TRPS1: variants seen among roughly 807,000 people sequenced by gnomAD.
TRPS1 encodes transcriptional repressor GATA binding 1, also known as zinc finger transcription factor Trps1.
In TRPS1, 6 loss-of-function variants were observed where a neutral mutation model predicts 101.2. The observed-to-expected ratio is 0.06, with a 90% CI of 0.03 to 0.12. TRPS1 has a LOEUF of 0.12. Ranked by LOEUF, TRPS1 falls within the 10% of genes least tolerant of loss-of-function variation. The pLI is 1.00. For missense variants in TRPS1, 1,363 were observed against 1,567.0 expected (o/e 0.87, Z 2.20); for synonymous variants, 578 against 589.8 (o/e 0.98, Z 0.29).
intron 5 of TRPS1, among the ~76,000 whole-genome samples, chr8:115,458,603 A>G (rs573163978): frequency 2.6e-5 from 4 of 152,156 alleles, no homozygotes; most frequent in Non-Finnish European, 5.9e-5. Context: ...ATCCCCTTTT[A>G]AGAAAATCAA....
intron 5 of TRPS1, among the ~76,000 whole-genome samples, chr8:115,585,388 G>T (rs1033263661): frequency 6.6e-6 from 1 of 152,086 alleles, no homozygotes; most frequent in African/African-American, 2.4e-5. Context: ...TAATATTCCA[G>T]AAACAGTCAA....
chr8:115,652,391 A>AG (rs1811580472), intron 1 of TRPS1, among the ~76,000 whole-genome samples: 1 of 152,220 alleles, frequency 6.6e-6, no homozygotes, highest in Non-Finnish European at 1.5e-5. Context: ...TTTATGTCTG[A>AG]GTAGGTTTCT....
chr8:115,584,667 G>A (rs942088606), intron 5 of TRPS1, among the ~76,000 whole-genome samples: 5 of 149,208 alleles, frequency 3.4e-5, no homozygotes, highest in African/African-American at 1.2e-4. Context: ...TAATGAATTA[G>A]AGGTAGGTAA....
In TRPS1 at chr8:115,604,559, C is replaced by T; in HGVS notation, c.1410G>A (p.Lys470=). The part of the protein sequence containing the change: ...SSLKLLEHYG[K]QHGAVQSGGL... ...CGCCTGACTGCACTGCTCCGTGCTG[C>T]TTGCCATAATGTTCTAGCAGTTTAA... The change falls in exon 4 of 7, where the codon AAG becomes AAA. Residue 470 remains lysine (K), a synonymous_variant. Coordinates refer to ENST00000395715, the MANE Select transcript of TRPS1 (RefSeq NM_014112.5). This position sits in a 1 kb window ranked among gnomAD's most constrained non-coding sequence, Gnocchi z 4.1. 2 of 1,614,038 alleles carry T rather than the reference C, an allele frequency of 1.2e-6. No homozygotes were observed. Among genetic ancestry groups the T allele is most frequent in the South Asian group, 1.1e-5 (1 of 91,080 alleles).
At chr8:115,506,527 C>G (rs1815448513) in intron 5 of TRPS1, among the ~76,000 whole-genome samples, 1 of 151,862 alleles carries the variant, frequency 6.6e-6, no homozygotes, top group Non-Finnish European at 1.5e-5. Flanking sequence ...CATTGCCTGG[C>G]TCATATATAT....
chr8:115,526,235 G>A (rs1815995143), intron 5 of TRPS1, among the ~76,000 whole-genome samples: 1 of 152,024 alleles, frequency 6.6e-6, no homozygotes, highest in African/African-American at 2.4e-5. Flanking sequence ...CTTGAACCCG[G>A]GAGCTGGAGG....
At position 115,530,936 on chromosome 8, in the gene TRPS1, G is replaced by A. The variant is rs1197127693; in HGVS notation, c.2700+56065C>T. Among the ~76,000 whole-genome samples, 5 of 152,166 alleles carry A rather than the reference G, an allele frequency of 3.3e-5. No individual in the cohort carries two copies. In the East Asian group the frequency reaches 9.7e-4, roughly 29 times the overall value. The stretch of plus-strand genomic sequence containing the variant: ...CACACACCAGGGCCTGTCATGGGGT[G>A]GGGGAAGGGGGGAGGGATAGCATTA... On this transcript the variant is annotated intron_variant, in intron 5 of 6. Coordinates refer to ENST00000395715, the MANE Select transcript of TRPS1 (RefSeq NM_014112.5).
chr8:115,515,668 G>T (rs1470307479), intron 5 of TRPS1, among the ~76,000 whole-genome samples: 1 of 151,100 alleles, frequency 6.6e-6, no homozygotes, highest in Non-Finnish European at 1.5e-5. Context: ...ATCATGTTGT[G>T]GTTTAATATT....
intron 5 of TRPS1, among the ~76,000 whole-genome samples, chr8:115,439,039 G>A (rs1813524415): frequency 6.6e-6 from 1 of 152,144 alleles, no homozygotes; most frequent in Admixed American, 6.5e-5. Flanking sequence ...TGGGGTAGTG[G>A]CGGTAATTCT....
chr8:115,428,398 A>T (rs961981013), intron 5 of TRPS1, among the ~76,000 whole-genome samples: 2 of 152,220 alleles, frequency 1.3e-5, no homozygotes, highest in Admixed American at 1.3e-4. Context: ...GAGTAATGAC[A>T]AAAATACTCC....
intron 5 of TRPS1, among the ~76,000 whole-genome samples, chr8:115,446,075 T>G (rs1813727108): frequency 6.6e-6 from 1 of 152,142 alleles, no homozygotes; most frequent in Non-Finnish European, 1.5e-5. Flanking sequence ...CATTTTGGCT[T>G]GCACACATTT....
intron 5 of TRPS1, among the ~76,000 whole-genome samples, chr8:115,548,466 T>C (rs13269391): frequency 1.3e-5 from 2 of 151,864 alleles, no homozygotes; most frequent in Non-Finnish European, 2.9e-5. Flanking sequence ...GCCTCCTGAG[T>C]AGCTGGGATT....
chr8:115,417,167 T>C (rs1399474403), intron 6 of TRPS1, among the ~76,000 whole-genome samples: 2 of 152,162 alleles, frequency 1.3e-5, no homozygotes, highest in Non-Finnish European at 2.9e-5. Context: ...TTGGCCAGAC[T>C]TCAATTAAAA....
intron 5 of TRPS1, among the ~76,000 whole-genome samples, chr8:115,554,042 C>A (rs1816762278): frequency 6.6e-6 from 1 of 152,028 alleles, no homozygotes; most frequent in Non-Finnish European, 1.5e-5. Flanking sequence ...GTTATAAAAA[C>A]ATTTTTAATT....
chr8:115,449,956 A>C (rs866245957), intron 5 of TRPS1, among the ~76,000 whole-genome samples: 2 of 146,922 alleles, frequency 1.4e-5, no homozygotes, highest in African/African-American at 5.1e-5. Context: ...TATGTGATTT[A>C]ACACACACAC....
Position 115,418,028 on chromosome 8 carries a change from A to T in TRPS1, c.2823+302T>A, listed in dbSNP as rs1303622834. ...CTAAAAATTTTCTCCTTTTTACCTA[A>T]AATAATTTCATTGAATTCTGATAAC... On this transcript the variant is annotated intron_variant, in intron 6 of 6. Coordinates refer to ENST00000395715, the MANE Select transcript of TRPS1 (RefSeq NM_014112.5). This position sits in a 1 kb window ranked among gnomAD's most constrained non-coding sequence, Gnocchi z 4.3. Among the ~76,000 whole-genome samples the T allele has an allele frequency of 6.6e-6, 1 of 152,182 alleles. No homozygotes were observed. The highest frequency in any genetic ancestry group is 2.4e-5 in the African/African-American group (1 of 41,440).
intron 5 of TRPS1, among the ~76,000 whole-genome samples, chr8:115,557,404 T>A (rs578049145): frequency 6.6e-6 from 1 of 152,192 alleles, no homozygotes. Context: ...TTTGGCTATG[T>A]CCCACTCTAA....
chr8:115,444,894 C>T (rs1269480253), intron 5 of TRPS1, among the ~76,000 whole-genome samples: 9 of 152,174 alleles, frequency 5.9e-5, no homozygotes. Context: ...TAGCTCCTTG[C>T]ACTTGTGTCT....
intron 5 of TRPS1, among the ~76,000 whole-genome samples, chr8:115,469,842 TA>T (rs1480952137): frequency 6.6e-6 from 1 of 152,196 alleles, no homozygotes; most frequent in Non-Finnish European, 1.5e-5. Flanking sequence ...TTTGTTTTTT[TA>T]AAACCAACCA....
Sources: gnomAD v4.1 joint callset for allele counts (sites outside exome capture counted in the v4.1 genomes callset) on GRCh38, gnomAD v4.1.1 for gene constraint, Gnocchi (gnomAD v3.1) non-coding constraint, MANE v1.5 for transcripts, NCBI Gene and HGNC (gene_info 2026-07-23, HGNC 2026-07-21) for gene names.